PES1: variants seen among roughly 807,000 people sequenced by gnomAD.
The protein encoded by PES1 is pescadillo ribosomal biogenesis factor 1.
Under a neutral mutation model 77.1 loss-of-function variants are expected in PES1, and 31 were observed. The observed-to-expected ratio is 0.40, with a 90% CI of 0.30 to 0.54. The LOEUF (loss-of-function observed/expected upper bound fraction) is 0.54. Ranked by LOEUF, PES1 falls within the 20% of genes least tolerant of loss-of-function variation. The probability of loss-of-function intolerance (pLI) is 0.45; values close to 1 mark genes in which losing one functional copy is unlikely to be tolerated. For missense variants in PES1, 658 were observed against 771.7 expected (o/e 0.85, Z 1.75); for synonymous variants, 282 against 303.0 (o/e 0.93, Z 0.72).
chr22:30,601,053 G>A (rs1026221901), intron 2 of PES1, among the ~76,000 whole-genome samples: 1 of 152,230 alleles, frequency 6.6e-6, no homozygotes, highest in African/African-American at 2.4e-5. Flanking sequence ...TCCAGCTCAA[G>A]TGTTCAAGTG....
rs369634686 is a variant in PES1, at chr22:30,579,236, C to T, written c.1422G>A (p.Glu474=). Residue 474 remains glutamate (E), a synonymous_variant, in exon 13 of 15, where the codon GAG becomes GAA. Coordinates refer to ENST00000354694, the MANE Select transcript of PES1 (RefSeq NM_014303.4). The part of the protein sequence containing the change: ...DDNNEGDGDE[E]GENEEEEEDA... ...CTTCCTCCTCCTCCTCATTTTCTCC[C>T]TCTTCATCACCATCACCTTCGTTGT... 117 of 1,604,944 alleles carry T rather than the reference C, an allele frequency of 7.3e-5. No homozygotes were observed. Among genetic ancestry groups the T allele is most frequent in the Non-Finnish European group, 9.6e-5 (113 of 1,179,244 alleles).
intron 2 of PES1, among the ~76,000 whole-genome samples, chr22:30,605,074 A>G (rs1041368505): frequency 2.6e-5 from 4 of 151,970 alleles, no homozygotes; most frequent in African/African-American, 7.3e-5. Context: ...GCTCACTGCA[A>G]CCTCAGCCTC....
At chr22:30,601,000 G>A (rs1163939931) in intron 2 of PES1, among the ~76,000 whole-genome samples, 1 of 152,222 alleles carries the variant, frequency 6.6e-6, no homozygotes, top group Non-Finnish European at 1.5e-5. Flanking sequence ...TCAGTTTGTA[G>A]CTGCCTCAAG....
intron 14 of PES1, among the ~76,000 whole-genome samples, chr22:30,577,508 A>AT (rs1395558738): frequency 1.3e-5 from 2 of 152,098 alleles, no homozygotes; most frequent in African/African-American, 4.8e-5. Context: ...TATATTTTTA[A>AT]TTTTTTTAAA....
intron 2 of PES1, among the ~76,000 whole-genome samples, chr22:30,599,873 C>T (rs1016572667): frequency 6.6e-6 from 1 of 152,014 alleles, no homozygotes; most frequent in African/African-American, 2.4e-5. Flanking sequence ...GCACTCCAGC[C>T]TGGGCAATAA....
At chr22:30,585,773 C>T (rs993201067) in intron 4 of PES1, among the ~76,000 whole-genome samples, 4 of 151,736 alleles carry the variant, frequency 2.6e-5, no homozygotes, top group Non-Finnish European at 2.9e-5. Context: ...TCAAAAAAGA[C>T]TCCAAAATCC....
chr22:30,589,785 C>T (rs2087151203), intron 1 of PES1, among the ~76,000 whole-genome samples: 2 of 151,194 alleles, frequency 1.3e-5, no homozygotes, highest in Non-Finnish European at 2.9e-5. Context: ...AATCTTTTCC[C>T]CTTCTTTTCT....
At position 30,581,426 on chromosome 22, in the gene PES1, G is replaced by C. The variant is rs2146462221; in HGVS notation, c.748-18C>G. 1 of 1,613,426 alleles carries C rather than the reference G, an allele frequency of 6.2e-7. No homozygotes were observed. Among genetic ancestry groups the C allele is most frequent in the Non-Finnish European group, 8.5e-7 (1 of 1,179,842 alleles). On this transcript the variant is annotated intron_variant, in intron 7 of 14. Coordinates refer to ENST00000354694, the MANE Select transcript of PES1 (RefSeq NM_014303.4). ...CCCTCGAGCTAGTAGGCAAAGGGAA[G>C]GTCAGGAGGCAGAGGACAGCCACAG...
At chr22:30,581,996 C>T (rs533596349) in intron 6 of PES1, among the ~76,000 whole-genome samples, 16 of 152,376 alleles carry the variant, frequency 1.1e-4, no homozygotes, top group African/African-American at 3.8e-4. Flanking sequence ...GGCTCTCCCA[C>T]TTCCTTCAGG....
chr22:30,600,888 A>C (rs909865828), intron 2 of PES1, among the ~76,000 whole-genome samples: 1 of 152,188 alleles, frequency 6.6e-6, no homozygotes, highest in Non-Finnish European at 1.5e-5. Flanking sequence ...TTATGCGATA[A>C]AAGCTGGAAT....
Position 30,588,124 on chromosome 22 carries a change from T to A in PES1, c.155A>T (p.Lys52Met). The change falls in exon 3 of 15, where the codon AAG becomes ATG. Residue 52 changes from lysine to methionine, a missense_variant. Physicochemically the swap from Lys to Met is moderately conservative, Grantham distance 95. Transcript: ENST00000354694. ...TGCTGTAGAACCCTTGTTAACCTTCTTCTTGTGTTTGGGTTCATGGGGATA... is the reference window on the plus strand; with the variant it reads ...TGCTGTAGAACCCTTGTTAACCTTCATCTTGTGTTTGGGTTCATGGGGATA... ...GIYPHEPKHK[K>M]KVNKGSTAAR... The A allele has an allele frequency of 6.2e-7, 1 of 1,614,234 alleles. No individual in the cohort carries two copies. The highest frequency in any genetic ancestry group is 8.5e-7 in the Non-Finnish European group (1 of 1,180,048).
In PES1 at chr22:30,588,234, C is replaced by T. The variant is rs570809555; in HGVS notation, c.105-60G>A. The T allele has an allele frequency of 2.8e-4, 454 of 1,603,696 alleles. 1 individual carries two copies. The highest frequency in any genetic ancestry group is 3.8e-4 in the Non-Finnish European group (440 of 1,172,130). Reference sequence around the variant, plus strand: ...GTGGGTAAAGGTGGGGAGCACTGGCCACAGCTGGGCCTGGAAAACAACAGT... The same window carrying T: ...GTGGGTAAAGGTGGGGAGCACTGGCTACAGCTGGGCCTGGAAAACAACAGT... On this transcript the variant is annotated intron_variant, in intron 2 of 14. Transcript: ENST00000354694.
At chr22:30,600,294 C>T (rs554342538) in intron 2 of PES1, among the ~76,000 whole-genome samples, 2 of 152,082 alleles carry the variant, frequency 1.3e-5, no homozygotes, top group African/African-American at 4.8e-5. Flanking sequence ...TTGAGGTTGT[C>T]AGGTTTTTTA....
upstream of PES1, chr22:30,592,366 C>T: frequency 1.0e-6 from 1 of 988,658 alleles, no homozygotes; most frequent in South Asian, 4.7e-5. Context: ...CCACCGGCTT[C>T]GGGTTCTCTT....
intron 9 of PES1, 128 bp downstream of exon 9, chr22:30,580,884 C>A: frequency 8.6e-7 from 1 of 1,167,250 alleles, no homozygotes; most frequent in Non-Finnish European, 1.2e-6. Flanking sequence ...ACAATTCAGC[C>A]CATTCTTCTG....
intron 2 of PES1, among the ~76,000 whole-genome samples, chr22:30,600,151 G>A (rs1442514857): frequency 1.3e-5 from 2 of 152,050 alleles, no homozygotes; most frequent in African/African-American, 4.8e-5. Flanking sequence ...GGGCAAAATG[G>A]TGAAAACCCC....
chr22:30,578,531 C>T (rs781264176), intron 14 of PES1, among the ~76,000 whole-genome samples: 1 of 152,220 alleles, frequency 6.6e-6, no homozygotes, highest in Non-Finnish European at 1.5e-5. Flanking sequence ...CCCCCCGCCA[C>T]CCCCGCCCCC....
rs139431018 is a variant in PES1, at chr22:30,600,711, G to T, written c.-661+4750C>A. On this transcript the variant is annotated intron_variant, in intron 2 of 16. Coordinates refer to the PES1 transcript ENST00000402281. ...GGCGCCTGTAGTCCCAGCTATTCAG[G>T]AGGCTGAGGCAGGAGAATGGCGTGA... 7.4e-3 allele frequency among the ~76,000 whole-genome samples: 1,126 copies of T among 152,270 alleles called. 5 individuals carry two copies. The highest frequency in any genetic ancestry group is 0.017 in the Middle Eastern group (5 of 294).
intron 9 of PES1, 109 bp downstream of exon 9, chr22:30,580,903 C>A: frequency 8.3e-7 from 1 of 1,198,676 alleles, no homozygotes; most frequent in Non-Finnish European, 1.2e-6. Context: ...TGCTCAGTTG[C>A]TTTGACCATC....
Sources: allele counts gnomAD v4.1 joint callset (sites outside exome capture counted in the v4.1 genomes callset), GRCh38; gene constraint gnomAD v4.1.1; transcripts MANE v1.5; gene names NCBI Gene and HGNC (gene_info 2026-07-23, HGNC 2026-07-21).